The following HMCN2 variants were observed in gnomAD, a reference collection of about 807,000 sequenced individuals.
HMCN2 encodes hemicentin-2.
Under a neutral mutation model 377.5 loss-of-function variants are expected in HMCN2, and 325 were observed. The ratio of observed to expected loss-of-function variants is 0.86; its 90% CI spans 0.79 to 0.94. The LOEUF (loss-of-function observed/expected upper bound fraction) is 0.94. Ranked by LOEUF, HMCN2 falls within the 40% of genes least tolerant of loss-of-function variation. The pLI is 0.00. For synonymous variants in HMCN2, 2,007 were observed against 2,046.8 expected, an observed-to-expected ratio of 0.98 and a Z score of 0.53; for missense variants, 4,543 against 4,725.3, an observed-to-expected ratio of 0.96 and a Z score of 1.13.
Position 130,362,064 on chromosome 9 carries a change from C to T in HMCN2, c.6007C>T (p.Pro2003Ser). 1 of 986,166 alleles carries T rather than the reference C, an allele frequency of 1.0e-6. No individual in the cohort carries two copies. Among genetic ancestry groups the T allele is most frequent in the South Asian group, 4.7e-5 (1 of 21,300 alleles). 61.1% of individuals were successfully genotyped at this position (986,166 alleles called of 1,614,324 possible). Residue 2003 changes from proline (P) to serine (S), a missense_variant, in exon 39 of 98, where the codon CCT becomes TCT. Around this residue, in one of 5 missense-constraint regions of HMCN2, gnomAD observed 1,032 missense variants for 1,285.1 expected, o/e 0.80. Transcript: ENST00000683500. ...SLPGPVLVNT[P>S]VRLTCNATGA... The stretch of plus-strand genomic sequence containing the variant: ...GCCAGGCCCTGTGTTGGTCAACACC[C>T]CTGTCCGGCTGACCTGCAATGCCAC...
chr9:130,323,697 T>A (rs1837969877), intron 19 of HMCN2, among the ~76,000 whole-genome samples: 1 of 152,146 alleles, frequency 6.6e-6, no homozygotes, highest in African/African-American at 2.4e-5. Flanking sequence ...AAGCTTTTTT[T>A]TTTTTTATTT....
intron 39 of HMCN2, among the ~76,000 whole-genome samples, 177 bp from the exon 40 acceptor site, chr9:130,362,690 G>A (rs913090493): frequency 4.6e-5 from 7 of 152,238 alleles, no homozygotes; most frequent in Non-Finnish European, 8.8e-5. Flanking sequence ...AGCTGGCAGA[G>A]GTCCGGAGGC....
In HMCN2 at chr9:130,299,116, C is replaced by G. The variant is rs2131326345; in HGVS notation, c.1104C>G (p.Pro368=). ...AGCTGGCACAAAGCTCAGGGAAGCCCCTCCTGACTCTGCCCACGAAGCCCC... is the reference window on the plus strand; with the variant it reads ...AGCTGGCACAAAGCTCAGGGAAGCCGCTCCTGACTCTGCCCACGAAGCCCC... ...SVELAQSSGK[P]LLTLPTKPLS... is the part of the protein sequence containing the mutation. Residue 368 remains proline (P), a synonymous_variant, in exon 8 of 98, where the codon CCC becomes CCG. Coordinates refer to ENST00000683500, the MANE Select transcript of HMCN2 (RefSeq NM_001291815.2). 1 of 471,200 alleles carries G rather than the reference C, an allele frequency of 2.1e-6. No individual in the cohort carries two copies. Among genetic ancestry groups the G allele is most frequent in the South Asian group, 1.5e-5 (1 of 64,574 alleles). The allele number at this position is 471,200 out of a possible 1,614,324, so 29.2% of individuals were successfully genotyped here. A position where few individuals can be genotyped will look rare whatever the true frequency, so the allele number is the denominator to read the frequency against.
chr9:130,367,766 C>T (rs562557583), intron 43 of HMCN2, among the ~76,000 whole-genome samples: 2 of 151,808 alleles, frequency 1.3e-5, no homozygotes, highest in South Asian at 2.1e-4. Context: ...CATGGTGACA[C>T]CCCGTCTCTA....
Position 130,404,916 on chromosome 9 carries a change from G to A in HMCN2, c.12196G>A (p.Gly4066Ser). Residue 4066 changes from glycine to serine, a missense_variant, in exon 81 of 98, where the codon GGC becomes AGC. Physicochemically the swap from Gly to Ser is moderately conservative, Grantham distance 56. Around this residue, in one of 5 missense-constraint regions of HMCN2, gnomAD observed 1,073 missense variants for 1,319.5 expected, o/e 0.81. Coordinates refer to ENST00000683500, the MANE Select transcript of HMCN2 (RefSeq NM_001291815.2). Reference sequence around the variant, plus strand: ...CCTCCCAGACCTGTCCACCACCGAAGGCTCCCACGCCTTCTTGCCTTGCAA... The same window carrying A: ...CCTCCCAGACCTGTCCACCACCGAAAGCTCCCACGCCTTCTTGCCTTGCAA... ...NGLPDLSTTE[G>S]SHAFLPCKAR... The A allele has an allele frequency of 7.8e-7, 1 of 1,286,706 alleles. No homozygotes were observed. The highest frequency in any genetic ancestry group is 1.0e-6 in the Non-Finnish European group (1 of 987,302). The allele number at this position is 1,286,706 out of a possible 1,614,324, so 79.7% of individuals were successfully genotyped here.
Position 130,358,494 on chromosome 9 carries a change from C to T in HMCN2, c.5677+8C>T, listed in dbSNP as rs929781503. The T allele has an allele frequency of 2.3e-5, 30 of 1,304,198 alleles. No homozygotes were observed. The highest frequency in any genetic ancestry group is 1.1e-4 in the African/African-American group (7 of 65,846). 80.8% of individuals were successfully genotyped at this position (1,304,198 alleles called of 1,614,324 possible). A position where few individuals can be genotyped will look rare whatever the true frequency, so the allele number is the denominator to read the frequency against. The stretch of plus-strand genomic sequence containing the variant: ...TGGCGCTGAAAGTTTTGGGTGAGGA[C>T]GTGGGTAACCAGCAGGGCCCAGGCC... On this transcript the variant is annotated splice_region_variant and intron_variant, in intron 36 of 97. Coordinates refer to ENST00000683500, the MANE Select transcript of HMCN2 (RefSeq NM_001291815.2).
chr9:130,402,436 G>A (rs1220816772), intron 77 of HMCN2, among the ~76,000 whole-genome samples: 1 of 152,240 alleles, frequency 6.6e-6, no homozygotes, highest in African/African-American at 2.4e-5. Flanking sequence ...AGCAAGGTGA[G>A]AATGACAGGA....
chr9:130,283,143 T>G (rs1166519131), intron 1 of HMCN2, among the ~76,000 whole-genome samples: 1 of 152,058 alleles, frequency 6.6e-6, no homozygotes, highest in Non-Finnish European at 1.5e-5. Flanking sequence ...AAACCTGATG[T>G]CCACACGACC....
At chr9:130,316,877 G>A (rs944571308) in intron 15 of HMCN2, among the ~76,000 whole-genome samples, 30 of 152,306 alleles carry the variant, frequency 2.0e-4, no homozygotes, top group African/African-American at 4.1e-4. Flanking sequence ...TCAGCAGGAC[G>A]TGGGGCCTCA....
In HMCN2 at chr9:130,372,350, T is replaced by A. The variant is rs1415320554; in HGVS notation, c.7294T>A (p.Cys2432Ser). ...TQEQDSGLYS[C>S]LASNEAGEAR... ...GGAGCAAGACAGTGGCCTCTACTCA[T>A]GCCTGGCAAGCAACGAGGCTGGGGA... Residue 2432 changes from cysteine (C) to serine (S), a missense_variant, in exon 47 of 98, where the codon TGC becomes AGC. This residue lies in a region of HMCN2 where 1,032 missense variants were observed against 1,285.1 expected (regional missense o/e 0.80). Coordinates refer to ENST00000683500, the MANE Select transcript of HMCN2 (RefSeq NM_001291815.2). 4.1e-6 allele frequency: 4 copies of A among 985,922 alleles called. No homozygotes were observed. Among genetic ancestry groups the A allele is most frequent in the Non-Finnish European group, 4.8e-6 (4 of 830,012 alleles). 61.1% of individuals were successfully genotyped at this position (985,922 alleles called of 1,614,324 possible).
chr9:130,363,360 C>A (rs554661949), intron 40 of HMCN2, among the ~76,000 whole-genome samples: 1 of 152,290 alleles, frequency 6.6e-6, no homozygotes, highest in Admixed American at 6.5e-5. Context: ...CACTTTGCTT[C>A]TCTCGGCCAC....
chr9:130,266,641 C>A (rs1482875223), intron 1 of HMCN2, among the ~76,000 whole-genome samples: 1 of 152,234 alleles, frequency 6.6e-6, no homozygotes, highest in South Asian at 2.1e-4. Flanking sequence ...ACGGACCCTG[C>A]AGTGGGGAGC....
At chr9:130,408,209 A>G (rs1276498450) in intron 83 of HMCN2, among the ~76,000 whole-genome samples, 1 of 152,206 alleles carries the variant, frequency 6.6e-6, no homozygotes, top group Middle Eastern at 3.2e-3. Context: ...CCAGGCACCA[A>G]AAGAGAACTG....
chr9:130,398,756 A>C (rs1464215840), intron 75 of HMCN2, 49 bp downstream of exon 75: 1 of 1,237,920 alleles, frequency 8.1e-7, no homozygotes, highest in Non-Finnish European at 1.1e-6. Flanking sequence ...CAGGGCGGGG[A>C]GGCACTCTCT....
chr9:130,269,461 G>A (rs1015288621), intron 1 of HMCN2, among the ~76,000 whole-genome samples: 5 of 147,634 alleles, frequency 3.4e-5, no homozygotes, highest in African/African-American at 9.7e-5. Context: ...TTAACACACC[G>A]AGTGGGGGGA....
Position 130,379,242 on chromosome 9 carries a change from C to A in HMCN2, c.8213-7C>A. 1 of 983,200 alleles carries A rather than the reference C, an allele frequency of 1.0e-6. No homozygotes were observed. The highest frequency in any genetic ancestry group is 1.7e-5 in the African/African-American group (1 of 57,288). 60.9% of individuals were successfully genotyped at this position (983,200 alleles called of 1,614,324 possible). The stretch of plus-strand genomic sequence containing the variant: ...TGCTTCCTAAGGGCTTTGTCTCCCC[C>A]ACCCAGTGCCCCCCATGTTCCAGAA... On this transcript the variant is annotated splice_region_variant and splice_polypyrimidine_tract_variant and intron_variant, in intron 53 of 97. Coordinates refer to ENST00000683500, the MANE Select transcript of HMCN2 (RefSeq NM_001291815.2).
Position 130,360,718 on chromosome 9 carries a change from C to T in HMCN2, c.5950+114C>T. 2.2e-6 allele frequency: 1 copy of T among 462,770 alleles called. No homozygotes were observed. The highest frequency in any genetic ancestry group is 3.6e-6 in the Non-Finnish European group (1 of 278,268). The allele number at this position is 462,770 out of a possible 1,614,324, so 28.7% of individuals were successfully genotyped here. On this transcript the variant is annotated intron_variant, in intron 38 of 97. Transcript: ENST00000683500. This position sits in a 1 kb window ranked among gnomAD's most constrained non-coding sequence, Gnocchi z 4.7. ...TCATCCATCCATCTACCACCCCATCCATCCGTTACCCCATCCATCCATCAT... is the reference window on the plus strand; with the variant it reads ...TCATCCATCCATCTACCACCCCATCTATCCGTTACCCCATCCATCCATCAT...
Position 130,295,772 on chromosome 9 carries a change from G to A in HMCN2, c.891G>A (p.Lys297=). 1 of 470,926 alleles carries A rather than the reference G, an allele frequency of 2.1e-6. No individual in the cohort carries two copies. Among genetic ancestry groups the A allele is most frequent in the Non-Finnish European group, 4.4e-6 (1 of 226,962 alleles). The allele number at this position is 470,926 out of a possible 1,614,324, so 29.2% of individuals were successfully genotyped here. The part of the protein sequence containing the change: ...KPEHPGLWSI[K]VYSSGRHSVR... ...AGCATCCGGGGCTGTGGTCCATCAA[G>A]GTAGGGGCACTGGGTTGCAGGAGAA... is the stretch of plus-strand genomic sequence containing the variant. The change falls in exon 6 of 98, where the codon AAG becomes AAA. Residue 297 remains lysine (K), a splice_region_variant and synonymous_variant. Coordinates refer to ENST00000683500, the MANE Select transcript of HMCN2 (RefSeq NM_001291815.2).
intron 45 of HMCN2, 23 bp from the exon 46 acceptor site, chr9:130,370,941 T>A: frequency 1.5e-5 from 15 of 986,036 alleles, no homozygotes; most frequent in Non-Finnish European, 1.8e-5. Context: ...GCACCCTGAA[T>A]GTGGCTTCTT....
Sources: allele counts gnomAD v4.1 joint callset (sites outside exome capture counted in the v4.1 genomes callset), GRCh38; gene constraint gnomAD v4.1.1; regional missense constraint gnomAD v4.1.1; non-coding constraint Gnocchi (gnomAD v3.1); transcripts MANE v1.5; gene names NCBI Gene and HGNC (gene_info 2026-07-23, HGNC 2026-07-21).